The following ROR2 variants were observed in gnomAD, a reference collection of about 807,000 sequenced individuals.
The protein encoded by ROR2 is ROR family WNT receptor 2.
In ROR2, 33 loss-of-function variants were observed where a neutral mutation model predicts 74.9. The observed-to-expected ratio is 0.44, with a 90% CI of 0.33 to 0.59. The LOEUF (loss-of-function observed/expected upper bound fraction) is 0.59, where lower values mean the gene tolerates loss of function less well. Ranked by LOEUF, ROR2 falls within the 20% of genes least tolerant of loss-of-function variation. ROR2 has a pLI of 0.02. For missense variants in ROR2, 1,216 were observed against 1,313.8 expected (o/e 0.93, Z 1.15); for synonymous variants, 586 against 558.7 (o/e 1.05, Z -0.69).
intron 1 of ROR2, among the ~76,000 whole-genome samples, chr9:91,858,265 G>A (rs923305271): frequency 1.3e-5 from 2 of 152,220 alleles, no homozygotes; most frequent in African/African-American, 2.4e-5. Flanking sequence ...CCATGAGAAG[G>A]CACAGGCACA....
At chr9:91,908,094 C>A (rs1021941118) in intron 1 of ROR2, among the ~76,000 whole-genome samples, 3 of 152,174 alleles carry the variant, frequency 2.0e-5, no homozygotes. Flanking sequence ...AGAGTGGAAT[C>A]CAAACTGAGT....
At chr9:91,783,353 A>G (rs1407007349) in intron 1 of ROR2, among the ~76,000 whole-genome samples, 1 of 151,998 alleles carries the variant, frequency 6.6e-6, no homozygotes. Context: ...TGAGAATGAC[A>G]CACACAATGG....
At chr9:91,728,402 A>T (rs1454552595) in intron 7 of ROR2, among the ~76,000 whole-genome samples, 1 of 149,230 alleles carries the variant, frequency 6.7e-6, no homozygotes, top group Non-Finnish European at 1.5e-5. Flanking sequence ...AATGAACTTT[A>T]TTTTATTTAT....
chr9:91,865,905 T>C (rs1453938691), intron 1 of ROR2, among the ~76,000 whole-genome samples: 2 of 152,194 alleles, frequency 1.3e-5, no homozygotes, highest in Admixed American at 6.5e-5. Flanking sequence ...AGAGGATATA[T>C]GACTCTAACA....
At chr9:91,912,312 A>T (rs1055088228) in intron 1 of ROR2, among the ~76,000 whole-genome samples, 2 of 152,316 alleles carry the variant, frequency 1.3e-5, no homozygotes, top group Admixed American at 1.3e-4. Flanking sequence ...TACGCCTAAA[A>T]TTTCCTACTT....
intron 1 of ROR2, among the ~76,000 whole-genome samples, chr9:91,827,643 G>A (rs1054055243): frequency 7.2e-5 from 11 of 152,136 alleles, no homozygotes; most frequent in African/African-American, 2.2e-4. Flanking sequence ...GGCCCAAAAC[G>A]TTCCCTCAAG....
intron 1 of ROR2, among the ~76,000 whole-genome samples, chr9:91,811,673 G>A (rs762328629): frequency 4.6e-5 from 7 of 152,290 alleles, no homozygotes; most frequent in Admixed American, 1.3e-4. Flanking sequence ...ACCCAGGGCC[G>A]GGGATCCGAC....
chr9:91,746,337 A>G (rs1438306232), intron 4 of ROR2, among the ~76,000 whole-genome samples: 4 of 152,126 alleles, frequency 2.6e-5, no homozygotes, highest in Admixed American at 1.3e-4. Context: ...CTGGCCTCCC[A>G]AAGTGCTGGG....
intron 1 of ROR2, chr9:91,883,115 A>G (rs1830163507): frequency 6.6e-6 from 1 of 152,252 alleles, no homozygotes; most frequent in African/African-American, 2.4e-5. Context: ...TTAGAGATGC[A>G]TAACCTGTAT....
intron 1 of ROR2, chr9:91,948,916 C>A: frequency 1.0e-6 from 1 of 985,380 alleles, no homozygotes; most frequent in Middle Eastern, 5.2e-4. Context: ...GGAGTCTGCA[C>A]CGCCAGAGCT....
At chr9:91,876,689 C>T (rs1185863137) in intron 1 of ROR2, among the ~76,000 whole-genome samples, 1 of 152,036 alleles carries the variant, frequency 6.6e-6, no homozygotes, top group East Asian at 1.9e-4. Context: ...GCATTGCCTT[C>T]TTAAAATATC....
At chr9:91,817,629 G>A (rs1016191074) in intron 1 of ROR2, among the ~76,000 whole-genome samples, 11 of 152,112 alleles carry the variant, frequency 7.2e-5, no homozygotes, top group Admixed American at 5.2e-4. Context: ...GGCCACCAGC[G>A]CCAGGAGCAG....
At chr9:91,761,221 G>A (rs1207330717) in intron 2 of ROR2, among the ~76,000 whole-genome samples, 1 of 152,124 alleles carries the variant, frequency 6.6e-6, no homozygotes, top group African/African-American at 2.4e-5. Flanking sequence ...ATAGACCAGT[G>A]GTCCCCAGTC....
At chr9:91,947,542 G>A (rs958935556) in intron 1 of ROR2, among the ~76,000 whole-genome samples, 1 of 152,058 alleles carries the variant, frequency 6.6e-6, no homozygotes. Flanking sequence ...TCTTCTAGAC[G>A]GATCACTATC....
chr9:91,881,080 G>C (rs73651587), intron 1 of ROR2, among the ~76,000 whole-genome samples: 2,806 of 152,222 alleles, frequency 0.018, 95 homozygotes, highest in African/African-American at 0.064. Flanking sequence ...GATGGCTAGA[G>C]GGGGGAGAAG....
intron 1 of ROR2, among the ~76,000 whole-genome samples, chr9:91,856,025 T>G (rs917714290): frequency 6.6e-6 from 1 of 152,162 alleles, no homozygotes; most frequent in Admixed American, 6.5e-5. Flanking sequence ...TTGTTGGGAC[T>G]TCCCAACAAA....
intron 1 of ROR2, among the ~76,000 whole-genome samples, chr9:91,909,447 A>G (rs1830897196): frequency 6.6e-6 from 1 of 152,064 alleles, no homozygotes; most frequent in Non-Finnish European, 1.5e-5. Flanking sequence ...CCTGGGCTCA[A>G]GCAATCCTCC....
At chr9:91,906,460 G>A (rs1238880050) in intron 1 of ROR2, among the ~76,000 whole-genome samples, 1 of 152,146 alleles carries the variant, frequency 6.6e-6, no homozygotes, top group Non-Finnish European at 1.5e-5. Context: ...ATGGTCACAG[G>A]CTGCCACAAG....
Position 91,893,388 on chromosome 9 carries a change from C to T in ROR2, c.97+56479G>A, listed in dbSNP as rs537488278. ...CAGGAAGGCGGCGGTTGCAGTGAGCCAAGATCATGCCACTGCACTCCAGCC... is the reference window on the plus strand; with the variant it reads ...CAGGAAGGCGGCGGTTGCAGTGAGCTAAGATCATGCCACTGCACTCCAGCC... On this transcript the variant is annotated intron_variant, in intron 1 of 8. Coordinates refer to ENST00000375708, the MANE Select transcript of ROR2 (RefSeq NM_004560.4). Among the ~76,000 whole-genome samples the T allele has an allele frequency of 2.6e-4, 40 of 152,100 alleles. No individual in the cohort carries two copies. The South Asian group carries it at 8.3e-3, about 32-fold the overall frequency.
Sources: gnomAD v4.1 joint callset for allele counts (sites outside exome capture counted in the v4.1 genomes callset) on GRCh38, gnomAD v4.1.1 for gene constraint, MANE v1.5 for transcripts, NCBI Gene and HGNC (gene_info 2026-07-23, HGNC 2026-07-21) for gene names.